ATRNL1: variants seen among roughly 807,000 people sequenced by gnomAD.
ATRNL1 encodes the protein attractin-like protein 1.
In ATRNL1, 95 loss-of-function variants were observed where a neutral mutation model predicts 182.7. The observed-to-expected ratio is 0.52, with a 90% CI of 0.44 to 0.62. The LOEUF (loss-of-function observed/expected upper bound fraction) is 0.62. Ranked by LOEUF, ATRNL1 falls within the 20% of genes least tolerant of loss-of-function variation. The probability of loss-of-function intolerance (pLI) is 0.00; values close to 1 mark genes in which losing one functional copy is unlikely to be tolerated. For synonymous variants in ATRNL1, 576 were observed against 568.3 expected, an observed-to-expected ratio of 1.01 and a Z score of -0.19; for missense variants, 1,471 against 1,679.5, an observed-to-expected ratio of 0.88 and a Z score of 2.17.
intron 25 of ATRNL1, among the ~76,000 whole-genome samples, chr10:115,533,747 A>G (rs1219112481): frequency 6.7e-6 from 1 of 150,106 alleles, no homozygotes; most frequent in Non-Finnish European, 1.5e-5. Context: ...ATTTAGTGCT[A>G]TAAATTTCCC....
chr10:115,819,835 C>G (rs782380460), intron 27 of ATRNL1: 2 of 151,914 alleles, frequency 1.3e-5, no homozygotes, highest in Non-Finnish European at 2.9e-5. Context: ...TATCTCAAAG[C>G]AGGTCTTTTT....
intron 25 of ATRNL1, among the ~76,000 whole-genome samples, chr10:115,544,277 T>A (rs782513859): frequency 2.0e-5 from 3 of 152,196 alleles, no homozygotes; most frequent in Non-Finnish European, 4.4e-5. Flanking sequence ...AATGCTTCTG[T>A]GTCACATCAA....
At chr10:115,256,298 A>G (rs1457177874) in intron 10 of ATRNL1, among the ~76,000 whole-genome samples, 2 of 151,988 alleles carry the variant, frequency 1.3e-5, no homozygotes, top group Non-Finnish European at 1.5e-5. Flanking sequence ...GCTATTAATT[A>G]TTGCCTCAAT....
At chr10:115,921,115 G>A (rs1253618905) in intron 28 of ATRNL1, among the ~76,000 whole-genome samples, 3 of 152,080 alleles carry the variant, frequency 2.0e-5, no homozygotes, top group Admixed American at 6.6e-5. Context: ...ACGAAAGGAG[G>A]TCCCTGAAGA....
At chr10:115,116,732 T>C (rs1844502292) in intron 1 of ATRNL1, among the ~76,000 whole-genome samples, 1 of 152,100 alleles carries the variant, frequency 6.6e-6, no homozygotes, top group Admixed American at 6.6e-5. Flanking sequence ...TTTACCTTGA[T>C]TGGTGACATC....
At chr10:115,165,133 C>T (rs1335110044) in intron 6 of ATRNL1, among the ~76,000 whole-genome samples, 2 of 150,738 alleles carry the variant, frequency 1.3e-5, no homozygotes, top group African/African-American at 2.4e-5. Flanking sequence ...AAGTATCAGG[C>T]CAACTAAAAA....
At chr10:115,293,819 G>T (rs1265783770) in intron 15 of ATRNL1, among the ~76,000 whole-genome samples, 3 of 152,120 alleles carry the variant, frequency 2.0e-5, no homozygotes. Context: ...TTTCTGCTAA[G>T]AAATTCACTA....
chr10:115,865,097 GA>G (rs1453696368), intron 28 of ATRNL1, among the ~76,000 whole-genome samples: 1 of 151,954 alleles, frequency 6.6e-6, no homozygotes, highest in African/African-American at 2.4e-5. Context: ...AAAGACTGAG[GA>G]AATAATACAT....
chr10:115,740,799 C>A (rs1452542969), intron 27 of ATRNL1, among the ~76,000 whole-genome samples: 1 of 151,750 alleles, frequency 6.6e-6, no homozygotes, highest in Non-Finnish European at 1.5e-5. Flanking sequence ...AGCCACCACA[C>A]CCGGCCAATC....
chr10:115,713,705 C>CTATCTATCTATCTATCATCTATCTATCT (rs1555055340), intron 26 of ATRNL1, among the ~76,000 whole-genome samples: 13 of 101,294 alleles, frequency 1.3e-4, no homozygotes, highest in East Asian at 9.1e-4. Context: ...ATCTATCTAT[C>CTATCTATCTATCTATCATCTATCTATCT]ATCTATCTAT....
chr10:115,109,029 T>G (rs2143509939), intron 1 of ATRNL1, among the ~76,000 whole-genome samples: 1 of 152,290 alleles, frequency 6.6e-6, no homozygotes, highest in East Asian at 1.9e-4. Flanking sequence ...TCCACATTTC[T>G]GCCAATATTC....
intron 5 of ATRNL1, among the ~76,000 whole-genome samples, chr10:115,151,906 G>A (rs747840470): frequency 6.6e-6 from 1 of 152,088 alleles, no homozygotes; most frequent in Non-Finnish European, 1.5e-5. Flanking sequence ...TGTAAGGAAG[G>A]GATCCAGTTT....
At chr10:115,129,564 A>T in intron 5 of ATRNL1, 29 bp downstream of exon 5, 1 of 1,575,308 alleles carries the variant, frequency 6.3e-7, no homozygotes, top group Non-Finnish European at 8.7e-7. Flanking sequence ...ATGGCTTTTG[A>T]AACATTGATT....
chr10:115,714,575 C>T (rs1460915830), intron 26 of ATRNL1, among the ~76,000 whole-genome samples: 3 of 152,114 alleles, frequency 2.0e-5, no homozygotes, highest in Non-Finnish European at 4.4e-5. Context: ...TCACTTTTTA[C>T]TTTTTAACTT....
At chr10:115,568,298 T>C (rs960536896) in intron 26 of ATRNL1, among the ~76,000 whole-genome samples, 1 of 152,216 alleles carries the variant, frequency 6.6e-6, no homozygotes, top group African/African-American at 2.4e-5. Context: ...ATTGGTTTCA[T>C]CTTTTTTATG....
At chr10:115,543,911 G>C (rs1852499012) in intron 25 of ATRNL1, among the ~76,000 whole-genome samples, 1 of 151,106 alleles carries the variant, frequency 6.6e-6, no homozygotes, top group Non-Finnish European at 1.5e-5. Context: ...TTCTTTCTTT[G>C]TTCTTTTTAC....
At chr10:115,484,983 G>T (rs532771472) in intron 24 of ATRNL1, among the ~76,000 whole-genome samples, 3 of 151,784 alleles carry the variant, frequency 2.0e-5, no homozygotes, top group African/African-American at 7.2e-5. Flanking sequence ...CTATGTGAGC[G>T]AAAATGAGTG....
intron 18 of ATRNL1, among the ~76,000 whole-genome samples, chr10:115,333,064 C>G (rs1285067400): frequency 6.6e-6 from 1 of 152,178 alleles, no homozygotes; most frequent in Non-Finnish European, 1.5e-5. Flanking sequence ...TGTACACTTA[C>G]CAATCAGAAC....
At chr10:115,854,317 C>T (rs1951127873) in intron 28 of ATRNL1, among the ~76,000 whole-genome samples, 2 of 152,178 alleles carry the variant, frequency 1.3e-5, no homozygotes, top group African/African-American at 4.8e-5. Flanking sequence ...ACTTCACCTC[C>T]CCACCTTCTG....
Sources: allele counts gnomAD v4.1 joint callset (sites outside exome capture counted in the v4.1 genomes callset), GRCh38; gene constraint gnomAD v4.1.1; transcripts MANE v1.5; gene names NCBI Gene and HGNC (gene_info 2026-07-23, HGNC 2026-07-21).